PXK: variants seen among roughly 807,000 people sequenced by gnomAD.
The protein encoded by PXK is PX domain-containing protein kinase-like protein.
PXK carries 35 observed loss-of-function variants against 84.7 expected under a neutral mutation model. The ratio of observed to expected loss-of-function variants is 0.41; its 90% CI spans 0.32 to 0.55. The LOEUF is 0.55. Ranked by LOEUF, PXK falls within the 20% of genes least tolerant of loss-of-function variation. PXK has a pLI of 0.21. For missense variants in PXK, 634 were observed against 699.7 expected (o/e 0.91, Z 1.06); for synonymous variants, 253 against 260.8 (o/e 0.97, Z 0.29).
In PXK at chr3:58,364,382, G is replaced by A. The variant is rs1352170042; in HGVS notation, c.103-1492G>A. On this transcript the variant is annotated intron_variant, in intron 1 of 17. Transcript: ENST00000356151. This position sits in a 1 kb window ranked among gnomAD's most constrained non-coding sequence, Gnocchi z 4.3. ...GGCCTTGATACATATTTGGCGGGGG[G>A]AGGGGAGCGGAGTTTTTTAGTTATG... is the stretch of plus-strand genomic sequence containing the variant. Among the ~76,000 whole-genome samples the A allele has an allele frequency of 6.6e-6, 1 of 152,064 alleles. No homozygotes were observed. Among genetic ancestry groups the A allele is most frequent in the Non-Finnish European group, 1.5e-5 (1 of 68,008 alleles).
In PXK at chr3:58,425,556, A is replaced by G. The variant is rs1364952719; in HGVS notation, c.*596A>G. 1 of 153,650 alleles carries G rather than the reference A, an allele frequency of 6.5e-6. No individual in the cohort carries two copies. Among genetic ancestry groups the G allele is most frequent in the Non-Finnish European group, 1.4e-5 (1 of 69,110 alleles). The allele number at this position is 153,650 out of a possible 1,614,324, so 9.5% of individuals were successfully genotyped here. The stretch of plus-strand genomic sequence containing the variant: ...CATTCTCTTAAGTTCTAACAGGAAT[A>G]CCATTGTGGTTATAGAACTCAGGGC... On this transcript the variant is annotated 3_prime_UTR_variant, in exon 18 of 18. Coordinates refer to ENST00000356151, the MANE Select transcript of PXK (RefSeq NM_017771.5).
At position 58,334,115 on chromosome 3, in the gene PXK, C is replaced by T. The variant is rs2097546212; in HGVS notation, c.102+1025C>T. On this transcript the variant is annotated intron_variant, in intron 1 of 17. Coordinates refer to ENST00000356151, the MANE Select transcript of PXK (RefSeq NM_017771.5). ...GTCATCATCTGGAGGCTAAAGCTCA[C>T]AATAGCCTTCTGTTTCTCTTTTCGT... Among the ~76,000 whole-genome samples, 3 of 152,274 alleles carry T rather than the reference C, an allele frequency of 2.0e-5. No homozygotes were observed. In the South Asian group the frequency reaches 6.2e-4, roughly 32 times the overall value.
chr3:58,397,704 G>T lies in PXK; in HGVS notation c.1084G>T (p.Ala362Ser). ...DSVPVDSFPP[A>S]PSMAVVAVLE... ...GGTGCCTGTGGACTCCTTCCCTCCT[G>T]CCCCGTCCATGGCTGTGGGTCAGTA... is the stretch of plus-strand genomic sequence containing the variant. Residue 362 changes from alanine (A) to serine (S), a missense_variant, in exon 11 of 18, where the codon GCC becomes TCC. Around this residue, in one of 3 missense-constraint regions of PXK, gnomAD observed 273 missense variants for 283.6 expected, o/e 0.96. Coordinates refer to ENST00000356151, the MANE Select transcript of PXK (RefSeq NM_017771.5). This position sits in a 1 kb window ranked among gnomAD's most constrained non-coding sequence, Gnocchi z 4.7. 6.2e-7 allele frequency: 1 copy of T among 1,613,696 alleles called. No individual in the cohort carries two copies. Among genetic ancestry groups the T allele is most frequent in the Non-Finnish European group, 8.5e-7 (1 of 1,179,668 alleles).
At position 58,370,912 on chromosome 3, in the gene PXK, C is replaced by T. The variant is rs549407156; in HGVS notation, c.201+1434C>T. Among the ~76,000 whole-genome samples the T allele has an allele frequency of 8.6e-4, 131 of 152,220 alleles. No individual in the cohort carries two copies. Among genetic ancestry groups the T allele is most frequent in the African/African-American group, 3.0e-3 (125 of 41,532 alleles). On this transcript the variant is annotated intron_variant, in intron 3 of 17. Transcript: ENST00000356151. This position sits in a 1 kb window ranked among gnomAD's most constrained non-coding sequence, Gnocchi z 4.2. Reference sequence around the variant, plus strand: ...ACTCAGGGGGCTGAGGCAGGAGAACCGCCTGAACCCAGGAGGGGGAGGTTG... The same window carrying T: ...ACTCAGGGGGCTGAGGCAGGAGAACTGCCTGAACCCAGGAGGGGGAGGTTG...
intron 16 of PXK, among the ~76,000 whole-genome samples, chr3:58,410,792 A>C (rs898505075): frequency 1.3e-5 from 2 of 152,226 alleles, no homozygotes; most frequent in Non-Finnish European, 2.9e-5. Flanking sequence ...AGTAGAGCCC[A>C]CATAGAGAAG....
chr3:58,423,700 G>A (rs2062325979), intron 17 of PXK, among the ~76,000 whole-genome samples: 1 of 152,188 alleles, frequency 6.6e-6, no homozygotes, highest in Non-Finnish European at 1.5e-5. Flanking sequence ...AGCCCTGGGA[G>A]GGACAGAGAC....
chr3:58,421,147 G>T lies in PXK; in HGVS notation c.1529-3605G>T, dbSNP rs1217136370. The T allele has an allele frequency of 1.0e-6, 1 of 985,306 alleles. No individual in the cohort carries two copies. The highest frequency in any genetic ancestry group is 1.2e-6 in the Non-Finnish European group (1 of 829,950). The allele number at this position is 985,306 out of a possible 1,614,324, so 61.0% of individuals were successfully genotyped here. On this transcript the variant is annotated intron_variant, in intron 17 of 17. Coordinates refer to ENST00000356151, the MANE Select transcript of PXK (RefSeq NM_017771.5). This position sits in a 1 kb window ranked among gnomAD's most constrained non-coding sequence, Gnocchi z 5.5. The stretch of plus-strand genomic sequence containing the variant: ...CTTGCCTGCTTCGGTTCTCTCCTGA[G>T]GGTGGCTGGTAAGTCTGGTGTTACC...
At chr3:58,356,751 G>A (rs1191069316) in intron 1 of PXK, among the ~76,000 whole-genome samples, 4 of 151,816 alleles carry the variant, frequency 2.6e-5, no homozygotes, top group Non-Finnish European at 4.4e-5. Context: ...CTACAGATGC[G>A]TACCTCCATG....
At chr3:58,420,527 T>C (rs2061670822) in intron 17 of PXK, 1 of 1,536,014 alleles carries the variant, frequency 6.5e-7, no homozygotes, top group Non-Finnish European at 8.7e-7. Context: ...CTCTCTTTGC[T>C]GTTTTCAGTA....
intron 2 of PXK, among the ~76,000 whole-genome samples, chr3:58,366,278 G>A (rs182843582): frequency 9.2e-5 from 14 of 152,278 alleles, no homozygotes; most frequent in Admixed American, 3.9e-4. Context: ...GTAGAAAGGT[G>A]AGATTGAGTC....
chr3:58,342,634 C>CAAAAAAAAAAAAAAAAA (rs71091369), intron 1 of PXK, among the ~76,000 whole-genome samples: 4 of 113,452 alleles, frequency 3.5e-5, no homozygotes, highest in East Asian at 6.1e-4. Context: ...GACTCTGTCT[C>CAAAAAAAAAAAAAAAAA]AAAAAAAAAA....
chr3:58,336,302 A>C (rs1264027411), intron 1 of PXK, among the ~76,000 whole-genome samples: 2 of 151,966 alleles, frequency 1.3e-5, no homozygotes, highest in Non-Finnish European at 2.9e-5. Flanking sequence ...CAGAAGGATG[A>C]AGGGAACACA....
intron 12 of PXK, among the ~76,000 whole-genome samples, chr3:58,402,875 G>A (rs1365237819): frequency 6.6e-6 from 1 of 151,502 alleles, no homozygotes; most frequent in Non-Finnish European, 1.5e-5. Flanking sequence ...ACATGTCATG[G>A]GGGTTTGTTG....
At chr3:58,345,517 A>G (rs761639809) in intron 1 of PXK, among the ~76,000 whole-genome samples, 1 of 152,200 alleles carries the variant, frequency 6.6e-6, no homozygotes, top group African/African-American at 2.4e-5. Context: ...TCTCACTTGT[A>G]TTTCTCACTA....
intron 1 of PXK, among the ~76,000 whole-genome samples, chr3:58,350,247 T>C (rs2097897752): frequency 1.3e-5 from 2 of 152,228 alleles, no homozygotes; most frequent in Non-Finnish European, 2.9e-5. Flanking sequence ...AGTTTCTTAC[T>C]TGTACATAAC....
intron 12 of PXK, among the ~76,000 whole-genome samples, chr3:58,402,520 C>G (rs2058744204): frequency 6.6e-6 from 1 of 151,346 alleles, no homozygotes; most frequent in African/African-American, 2.4e-5. Context: ...AGCTCCGCCT[C>G]CCGGGTTCAA....
chr3:58,409,524 TTTTA>T lies in PXK; in HGVS notation c.1309-7_1309-4del, dbSNP rs762396228. On this transcript the variant is annotated splice_region_variant and splice_polypyrimidine_tract_variant and intron_variant, in intron 14 of 17. Transcript: ENST00000356151. The surrounding 1 kb of genome is among the most constrained non-coding windows in gnomAD (Gnocchi z 4.2). ...TGGGATATGCTTACATCTTATGGTCTTTTAAAGATTCACCAGCATCGAAGACTGA... is the reference window on the plus strand; with the variant it reads ...TGGGATATGCTTACATCTTATGGTCTAAGATTCACCAGCATCGAAGACTGA... 6.2e-7 allele frequency: 1 copy of T among 1,611,862 alleles called. No homozygotes were observed. Among genetic ancestry groups the T allele is most frequent in the South Asian group, 1.1e-5 (1 of 90,916 alleles).
intron 1 of PXK, among the ~76,000 whole-genome samples, chr3:58,348,909 C>G (rs1697499944): frequency 6.6e-6 from 1 of 151,806 alleles, no homozygotes. Context: ...GAGACCCTGT[C>G]TGTACTTTTT....
chr3:58,393,631 G>A (rs1365016294), intron 7 of PXK, among the ~76,000 whole-genome samples: 1 of 151,190 alleles, frequency 6.6e-6, no homozygotes, highest in Non-Finnish European at 1.5e-5. Flanking sequence ...CCAGCTTTTT[G>A]CTCTTATTTT....
Sources: gnomAD v4.1 joint callset for allele counts (sites outside exome capture counted in the v4.1 genomes callset) on GRCh38, gnomAD v4.1.1 for gene constraint, gnomAD v4.1.1 regional missense constraint, Gnocchi (gnomAD v3.1) non-coding constraint, MANE v1.5 for transcripts, NCBI Gene and HGNC (gene_info 2026-07-23, HGNC 2026-07-21) for gene names.